ARHGAP24: variants seen among roughly 807,000 people sequenced by gnomAD.
ARHGAP24 encodes Rho GTPase activating protein 24.
ARHGAP24 carries 50 observed loss-of-function variants against 76.4 expected under a neutral mutation model. The observed-to-expected ratio is 0.65, with a 90% CI of 0.52 to 0.83. The LOEUF is 0.83. Among genes scored for constraint, ARHGAP24 ranks in the 40% least tolerant of loss-of-function variants. The pLI, the probability that ARHGAP24 is intolerant of heterozygous loss-of-function variation, is 0.00. For synonymous variants in ARHGAP24, 345 were observed against 323.3 expected, an observed-to-expected ratio of 1.07 and a Z score of -0.72; for missense variants, 930 against 914.2, an observed-to-expected ratio of 1.02 and a Z score of -0.22.
intron 7 of ARHGAP24, among the ~76,000 whole-genome samples, chr4:85,976,762 T>C (rs888973650): frequency 1.8e-4 from 27 of 149,120 alleles, no homozygotes; most frequent in African/African-American, 6.7e-4. Context: ...TTTTAATTTC[T>C]ACAGCATTTT....
chr4:85,484,836 C>T (rs1241623679), intron 1 of ARHGAP24, among the ~76,000 whole-genome samples: 4 of 152,056 alleles, frequency 2.6e-5, no homozygotes, highest in African/African-American at 7.2e-5. Flanking sequence ...AGGCTGGTCT[C>T]AAACTCCTGA....
At chr4:85,750,945 T>C (rs1726239500) in intron 3 of ARHGAP24, among the ~76,000 whole-genome samples, 2 of 152,152 alleles carry the variant, frequency 1.3e-5, no homozygotes, top group Admixed American at 1.3e-4. Flanking sequence ...TTCTTTGCCT[T>C]TCATAATAAT....
At chr4:85,574,240 C>T (rs919298577) in intron 2 of ARHGAP24, among the ~76,000 whole-genome samples, 1 of 152,272 alleles carries the variant, frequency 6.6e-6, no homozygotes, top group South Asian at 2.1e-4. Flanking sequence ...TCAAATCAAA[C>T]TCCATCATTA....
intron 2 of ARHGAP24, among the ~76,000 whole-genome samples, chr4:85,666,826 G>A (rs574880531): frequency 2.0e-5 from 3 of 152,268 alleles, no homozygotes; most frequent in Non-Finnish European, 2.9e-5. Flanking sequence ...CGTGAACCGC[G>A]AATGCTGCTG....
At chr4:85,509,586 C>T (rs1478089179) in intron 1 of ARHGAP24, among the ~76,000 whole-genome samples, 2 of 151,942 alleles carry the variant, frequency 1.3e-5, no homozygotes, top group African/African-American at 4.8e-5. Context: ...TCTCTAAGAA[C>T]TCTTTCTTTA....
At chr4:85,617,212 T>A (rs1204706718) in intron 2 of ARHGAP24, among the ~76,000 whole-genome samples, 1 of 148,450 alleles carries the variant, frequency 6.7e-6, no homozygotes, top group African/African-American at 2.4e-5. Flanking sequence ...ATTGCAGATA[T>A]GTTGAATATA....
At chr4:85,630,790 A>G (rs946931667) in intron 2 of ARHGAP24, among the ~76,000 whole-genome samples, 54 of 151,970 alleles carry the variant, frequency 3.6e-4, no homozygotes, top group African/African-American at 1.2e-3. Context: ...TTTTTCTATT[A>G]TAAATAGAAT....
At chr4:85,793,884 T>C (rs1350305736) in intron 3 of ARHGAP24, among the ~76,000 whole-genome samples, 4 of 152,162 alleles carry the variant, frequency 2.6e-5, no homozygotes. Flanking sequence ...AGCAAAATTC[T>C]GGGGATATAA....
chr4:85,503,949 T>C (rs577819410), intron 1 of ARHGAP24, among the ~76,000 whole-genome samples: 105 of 152,356 alleles, frequency 6.9e-4, no homozygotes, highest in African/African-American at 2.4e-3. Context: ...AGAACATCTT[T>C]ATTTCTGCCT....
chr4:85,682,499 C>G (rs1429802704), intron 2 of ARHGAP24, among the ~76,000 whole-genome samples: 1 of 152,098 alleles, frequency 6.6e-6, no homozygotes, highest in Non-Finnish European at 1.5e-5. Context: ...GCTCTATGGC[C>G]TTCTCATATG....
At chr4:85,563,093 C>T (rs1184758086) in intron 1 of ARHGAP24, among the ~76,000 whole-genome samples, 1 of 152,114 alleles carries the variant, frequency 6.6e-6, no homozygotes, top group African/African-American at 2.4e-5. Flanking sequence ...TTGACCTAAT[C>T]TCATGCAGAA....
At chr4:85,692,463 T>C (rs1723701052) in intron 2 of ARHGAP24, among the ~76,000 whole-genome samples, 1 of 152,212 alleles carries the variant, frequency 6.6e-6, no homozygotes, top group Admixed American at 6.5e-5. Context: ...GGAATGCCAA[T>C]GAGCCATAGA....
chr4:85,755,626 G>GTTTTTTTTTTTTTTTTTTTT lies in ARHGAP24; in HGVS notation c.268+33658_268+33659insTTTTTTTTTTTTTTTTTTTT, dbSNP rs111410344. Among the ~76,000 whole-genome samples the GTTTTTTTTTTTTTTTTTTTT allele has an allele frequency of 1.4e-4, 16 of 117,408 alleles. 5 individuals are homozygous for GTTTTTTTTTTTTTTTTTTTT. The highest frequency in any genetic ancestry group is 5.8e-4 in the South Asian group (2 of 3,432). 77.0% of individuals were successfully genotyped at this position (117,408 alleles called of 152,430 possible). On this transcript the variant is annotated intron_variant, in intron 3 of 9. Transcript: ENST00000395184. ...TTCTATGGGAAGCTTCTATTCTTTT[G>GTTTTTTTTTTTTTTTTTTTT]TTTTGTTTTGTTTTGTTTTGTTTTG... is the stretch of plus-strand genomic sequence containing the variant.
intron 2 of ARHGAP24, among the ~76,000 whole-genome samples, chr4:85,689,309 A>G (rs545866050): frequency 1.3e-5 from 2 of 152,252 alleles, no homozygotes; most frequent in South Asian, 4.1e-4. Context: ...ATTGATGGCT[A>G]TGTAAATGGG....
At chr4:85,967,085 G>T (rs573793302) in intron 5 of ARHGAP24, among the ~76,000 whole-genome samples, 14 of 152,150 alleles carry the variant, frequency 9.2e-5, no homozygotes, top group African/African-American at 1.4e-4. Context: ...AGCAAGGAGG[G>T]ATTCTTGTCA....
At position 85,871,150 on chromosome 4, in the gene ARHGAP24, C is replaced by T. The variant is rs796080759; in HGVS notation, c.269-52498C>T. Among the ~76,000 whole-genome samples the T allele has an allele frequency of 3.9e-5, 6 of 152,036 alleles. No individual in the cohort carries two copies. The South Asian group carries it at 1.2e-3, about 31-fold the overall frequency. On this transcript the variant is annotated intron_variant, in intron 3 of 9. Coordinates refer to ENST00000395184, the MANE Select transcript of ARHGAP24 (RefSeq NM_001025616.3). The stretch of plus-strand genomic sequence containing the variant: ...TCTATTATACAGTCTTAGGGTTTAA[C>T]CCCTACAATTGTTTTACATTACTCT...
intron 3 of ARHGAP24, among the ~76,000 whole-genome samples, chr4:85,900,893 A>C (rs1291429936): frequency 6.6e-6 from 1 of 152,222 alleles, no homozygotes; most frequent in Non-Finnish European, 1.5e-5. Flanking sequence ...ATAGCAGAAA[A>C]GGATGGGTTC....
intron 1 of ARHGAP24, among the ~76,000 whole-genome samples, chr4:85,562,438 G>A (rs570989339): frequency 2.7e-4 from 41 of 150,122 alleles, no homozygotes; most frequent in African/African-American, 8.5e-4. Flanking sequence ...GTGTGTGTAC[G>A]TGTGTCTGTC....
In ARHGAP24 at chr4:85,610,451, C is replaced by CAAAAAAAAAAAAAA. The variant is rs57348830; in HGVS notation, c.180+39748_180+39761dup. Among the ~76,000 whole-genome samples, 7 of 51,240 alleles carry CAAAAAAAAAAAAAA rather than the reference C, an allele frequency of 1.4e-4. 1 individual carries two copies. Among genetic ancestry groups the CAAAAAAAAAAAAAA allele is most frequent in the African/African-American group, 5.7e-4 (7 of 12,376 alleles). The allele number at this position is 51,240 out of a possible 152,430, so 33.6% of individuals were successfully genotyped here. ...AGAGTGAGGAGTGAGACTCCATCTA[C>CAAAAAAAAAAAAAA]AAAAAAAAAAAAAAAAAAAAAAAAA... is the stretch of plus-strand genomic sequence containing the variant. On this transcript the variant is annotated intron_variant, in intron 2 of 9. Coordinates refer to ENST00000395184, the MANE Select transcript of ARHGAP24 (RefSeq NM_001025616.3).
Sources: gnomAD v4.1 joint callset for allele counts (sites outside exome capture counted in the v4.1 genomes callset) on GRCh38, gnomAD v4.1.1 for gene constraint, MANE v1.5 for transcripts, NCBI Gene and HGNC (gene_info 2026-07-23, HGNC 2026-07-21) for gene names.